Variants in CBFA2T3 observed in about 807,000 individuals in gnomAD.
The protein encoded by CBFA2T3 is transcriptional corepressor CBFA2T3.
In CBFA2T3, 31 loss-of-function variants were observed where a neutral mutation model predicts 58.6. The ratio of observed to expected loss-of-function variants is 0.53; its 90% CI spans 0.40 to 0.71. The LOEUF is 0.71. Ranked by LOEUF, CBFA2T3 falls within the 30% of genes least tolerant of loss-of-function variation. The pLI, the probability that CBFA2T3 is intolerant of heterozygous loss-of-function variation, is 0.00. For missense variants in CBFA2T3, 1,076 were observed against 963.1 expected, an observed-to-expected ratio of 1.12 and a Z score of -1.55; for synonymous variants, 531 against 421.9, an observed-to-expected ratio of 1.26 and a Z score of -3.17.
At chr16:88,902,109 C>T (rs1350769910) in intron 1 of CBFA2T3, among the ~76,000 whole-genome samples, 1 of 152,210 alleles carries the variant, frequency 6.6e-6, no homozygotes, top group East Asian at 1.9e-4. Flanking sequence ...CCGGCATGTT[C>T]CCAGGTGGCG....
At chr16:88,959,197 G>A (rs1442083075) in intron 1 of CBFA2T3, among the ~76,000 whole-genome samples, 1 of 152,232 alleles carries the variant, frequency 6.6e-6, no homozygotes, top group Non-Finnish European at 1.5e-5. Context: ...ATGTGTTCAG[G>A]TCTGGCCTGG....
intron 1 of CBFA2T3, among the ~76,000 whole-genome samples, chr16:88,908,691 T>TC (rs1040213122): frequency 4.6e-5 from 7 of 152,180 alleles, no homozygotes; most frequent in Non-Finnish European, 7.3e-5. Context: ...TTTCCGGCCT[T>TC]CCCCGCCTCG....
In CBFA2T3 at chr16:88,951,153, C is replaced by T. The variant is rs560536937; in HGVS notation, c.151+25504G>A. The T allele has an allele frequency of 2.7e-3, 956 of 359,446 alleles. 77 individuals carry two copies. In the African/African-American group the frequency reaches 0.03, roughly 11 times the overall value. 22.3% of individuals were successfully genotyped at this position (359,446 alleles called of 1,614,324 possible). ...GGATCTGTTCACCCCTCCCCTGGAT[C>T]GGCACCGGCACAGAGGGTCAGAGTG... On this transcript the variant is annotated intron_variant, in intron 1 of 11. Transcript: ENST00000268679.
chr16:88,892,362 G>T lies in CBFA2T3; in HGVS notation c.503C>A (p.Ala168Asp), dbSNP rs1230422024. The T allele has an allele frequency of 6.2e-7, 1 of 1,613,314 alleles. No homozygotes were observed. Among genetic ancestry groups the T allele is most frequent in the Non-Finnish European group, 8.5e-7 (1 of 1,180,000 alleles). ...CTTGCTGAGCTGCCGGGCCCCGCAG[G>T]CTGGGGGCAGGTGCTGTGTGGACAA... is the stretch of plus-strand genomic sequence containing the variant. ...ASLSTQHLPP[A>D]CGARQLSKLK... is the part of the protein sequence containing the mutation. The change falls in exon 4 of 12, where the codon GCC (alanine) becomes GAC (aspartate). Residue 168 changes from alanine (A) to aspartate (D), a missense_variant. Ala to Asp is a moderately radical substitution (Grantham distance 126). Transcript: ENST00000268679.
chr16:88,919,209 T>A (rs531256642), intron 1 of CBFA2T3, among the ~76,000 whole-genome samples: 8 of 152,154 alleles, frequency 5.3e-5, no homozygotes, highest in African/African-American at 1.7e-4. Context: ...AGTTCTAAGT[T>A]GCGAGCCAAT....
At chr16:88,922,361 A>G (rs564320278) in intron 1 of CBFA2T3, among the ~76,000 whole-genome samples, 118 of 152,332 alleles carry the variant, frequency 7.7e-4, no homozygotes, top group African/African-American at 2.8e-3. Flanking sequence ...CCCCGGGAAG[A>G]CTGCTGCTGC....
chr16:88,966,548 T>C (rs1567639046), intron 1 of CBFA2T3, among the ~76,000 whole-genome samples: 1 of 151,936 alleles, frequency 6.6e-6, no homozygotes, highest in Non-Finnish European at 1.5e-5. Context: ...AACTCAGTAG[T>C]GGAAGCAGTA....
intron 1 of CBFA2T3, among the ~76,000 whole-genome samples, chr16:88,915,877 C>T (rs578199191): frequency 3.9e-5 from 6 of 152,142 alleles, no homozygotes; most frequent in African/African-American, 1.4e-4. Flanking sequence ...CCACTCCCTG[C>T]CACCTTCCCC....
intron 1 of CBFA2T3, among the ~76,000 whole-genome samples, chr16:88,927,516 T>G (rs1443989496): frequency 6.6e-6 from 1 of 152,168 alleles, no homozygotes; most frequent in Non-Finnish European, 1.5e-5. Context: ...CAACCCTTCA[T>G]GAGGTCAGAG....
chr16:88,922,847 G>C (rs367964726), intron 1 of CBFA2T3, among the ~76,000 whole-genome samples: 6 of 152,178 alleles, frequency 3.9e-5, no homozygotes, highest in Admixed American at 2.6e-4. Context: ...ATTTAACCTC[G>C]GCAGCACCCC....
At chr16:88,889,437 G>A (rs931560549) in intron 5 of CBFA2T3, among the ~76,000 whole-genome samples, 9 of 151,376 alleles carry the variant, frequency 5.9e-5, no homozygotes, top group Non-Finnish European at 1.2e-4. Flanking sequence ...GGGAACAGAG[G>A]TGGGTGTGAT....
intron 11 of CBFA2T3, 39 bp downstream of exon 11, chr16:88,879,231 A>G (rs1474307154): frequency 6.5e-7 from 1 of 1,543,112 alleles, no homozygotes. Context: ...ACGGGAGCCG[A>G]GGCAGGGGAT....
At position 88,885,026 on chromosome 16, in the gene CBFA2T3, C is replaced by T. The variant is rs574124916; in HGVS notation, c.1117+20G>A. 40 of 1,566,398 alleles carry T rather than the reference C, an allele frequency of 2.6e-5. No homozygotes were observed. The South Asian group carries it at 3.2e-4, about 12-fold the overall frequency. On this transcript the variant is annotated intron_variant, in intron 7 of 11. Transcript: ENST00000268679. The surrounding 1 kb of genome is among the most constrained non-coding windows in gnomAD (Gnocchi z 5.3). ...CTCCTGTAACACGCGTCCACGCTCC[C>T]GCCCCACCGGGCTGCTCACCAAGCG...
intron 1 of CBFA2T3, among the ~76,000 whole-genome samples, chr16:88,974,498 C>T (rs1718712085): frequency 6.6e-6 from 1 of 152,110 alleles, no homozygotes; most frequent in East Asian, 1.9e-4. Flanking sequence ...GAGGTCCTCC[C>T]ACCCCCTGCA....
In CBFA2T3 at chr16:88,885,051, G is replaced by T; in HGVS notation, c.1112C>A (p.Pro371Gln). 1 of 1,595,760 alleles carries T rather than the reference G, an allele frequency of 6.3e-7. No individual in the cohort carries two copies. The change falls in exon 7 of 12, where the codon CCG (proline) becomes CAG (glutamine). Residue 371 changes from proline to glutamine, a missense_variant. By Grantham distance (76) the Pro-to-Gln change is moderately conservative. Coordinates refer to ENST00000268679, the MANE Select transcript of CBFA2T3 (RefSeq NM_005187.6). The surrounding 1 kb of genome is among the most constrained non-coding windows in gnomAD (Gnocchi z 5.3). ...DPRELRERHR[P>Q]LVVPGSRQEE... ...CGCCCCACCGGGCTGCTCACCAAGC[G>T]GCCGATGGCGCTCTCGTAGCTCCCG...
At chr16:88,961,581 A>G (rs71395363) in intron 1 of CBFA2T3, among the ~76,000 whole-genome samples, 3,508 of 79,894 alleles carry the variant, frequency 0.044, 47 homozygotes, top group Middle Eastern at 0.15. Context: ...GACACTCAGC[A>G]CTGGGCATTC....
At chr16:88,894,834 C>T (rs116554830) in intron 3 of CBFA2T3, among the ~76,000 whole-genome samples, 3,822 of 152,336 alleles carry the variant, frequency 0.025, 62 homozygotes, top group African/African-American at 0.046. Context: ...GGCCTGTGTG[C>T]GCCGAGGAGG....
chr16:88,905,552 AG>A (rs1970276759), intron 1 of CBFA2T3, among the ~76,000 whole-genome samples: 2 of 151,598 alleles, frequency 1.3e-5, no homozygotes, highest in Admixed American at 6.6e-5. Context: ...CTTCAAAGGA[AG>A]GCCCCCAGAG....
intron 3 of CBFA2T3, among the ~76,000 whole-genome samples, chr16:88,893,408 C>T (rs1969732997): frequency 6.6e-6 from 1 of 152,006 alleles, no homozygotes; most frequent in South Asian, 2.1e-4. Flanking sequence ...GAGCAATGTC[C>T]CAGACAGGTG....
Sources: allele counts gnomAD v4.1 joint callset (sites outside exome capture counted in the v4.1 genomes callset), GRCh38; gene constraint gnomAD v4.1.1; non-coding constraint Gnocchi (gnomAD v3.1); transcripts MANE v1.5; gene names NCBI Gene and HGNC (gene_info 2026-07-23, HGNC 2026-07-21).